Variants in LINGO2 observed in about 807,000 individuals in gnomAD.
The protein encoded by LINGO2 is leucine-rich repeat and immunoglobulin-like domain-containing nogo receptor-interacting protein 2.
Under a neutral mutation model 30.6 loss-of-function variants are expected in LINGO2, and 14 were observed. The observed-to-expected ratio is 0.46, with a 90% confidence interval of 0.30 to 0.72. The LOEUF is 0.72. LINGO2 is among the 30% of genes least tolerant of loss of function. LINGO2 has a pLI of 0.07. For missense variants in LINGO2, 729 were observed against 751.7 expected (o/e 0.97, Z 0.35); for synonymous variants, 317 against 288.5 (o/e 1.10, Z -1.00).
chr9:28,619,102 T>A (rs7869779), intron 1 of LINGO2, among the ~76,000 whole-genome samples: 56,683 of 151,878 alleles, frequency 0.37, 11,613 homozygotes, highest in African/African-American at 0.53. Context: ...AGTGTAAGAT[T>A]CTAAGGACTT....
chr9:28,638,771 C>T (rs924282767), intron 1 of LINGO2, among the ~76,000 whole-genome samples: 5 of 152,096 alleles, frequency 3.3e-5, no homozygotes, highest in African/African-American at 1.2e-4. Context: ...AAAAAACCAG[C>T]TCCTGGATTC....
intron 1 of LINGO2, among the ~76,000 whole-genome samples, chr9:28,484,297 G>C (rs745522565): frequency 2.4e-4 from 37 of 152,154 alleles, no homozygotes; most frequent in Non-Finnish European, 4.1e-4. Context: ...TTAGCACCAA[G>C]AATGGAGCTT....
chr9:28,229,959 G>C (rs1464634026), intron 4 of LINGO2, among the ~76,000 whole-genome samples: 1 of 151,546 alleles, frequency 6.6e-6, no homozygotes, highest in Non-Finnish European at 1.5e-5. Flanking sequence ...TGACCTAAAG[G>C]CAATAAAAGA....
At chr9:28,087,520 T>C (rs1042816793) in intron 4 of LINGO2, among the ~76,000 whole-genome samples, 5 of 152,194 alleles carry the variant, frequency 3.3e-5, no homozygotes, top group African/African-American at 1.2e-4. Context: ...ATTGAAAGTT[T>C]ACCTGTGACT....
chr9:28,587,850 C>T (rs1293020243), intron 1 of LINGO2, among the ~76,000 whole-genome samples: 1 of 151,916 alleles, frequency 6.6e-6, no homozygotes, highest in East Asian at 1.9e-4. Context: ...GATTCTAGCT[C>T]TGAAGGGCAT....
At chr9:28,621,905 C>T (rs1398733269) in intron 1 of LINGO2, among the ~76,000 whole-genome samples, 1 of 152,020 alleles carries the variant, frequency 6.6e-6, no homozygotes, top group African/African-American at 2.4e-5. Flanking sequence ...GATCACCTGA[C>T]ACTGAGACAC....
the LINGO2 span, among the ~76,000 whole-genome samples, chr9:29,187,521 G>A: frequency 6.6e-6 from 1 of 152,126 alleles, no homozygotes; most frequent in South Asian, 2.1e-4. Flanking sequence ...ATATCTAACA[G>A]TTCCAAATTA....
At chr9:28,741,212 G>C in the LINGO2 span, among the ~76,000 whole-genome samples, 4 of 151,934 alleles carry the variant, frequency 2.6e-5, no homozygotes, top group African/African-American at 9.7e-5. Context: ...CAGCCACAGG[G>C]ACTGGCCTAG....
At chr9:27,961,184 G>A (rs940790864) in intron 5 of LINGO2, among the ~76,000 whole-genome samples, 5 of 152,134 alleles carry the variant, frequency 3.3e-5, no homozygotes, top group Non-Finnish European at 7.4e-5. Context: ...TGTAAGTGTT[G>A]TGAGCACATA....
intron 1 of LINGO2, among the ~76,000 whole-genome samples, chr9:28,656,512 C>T (rs1828346574): frequency 1.3e-5 from 2 of 151,924 alleles, no homozygotes; most frequent in African/African-American, 4.8e-5. Flanking sequence ...ATAACTGAAT[C>T]TAATCATAAG....
chr9:29,114,879 T>C, the LINGO2 span, among the ~76,000 whole-genome samples: 1 of 152,156 alleles, frequency 6.6e-6, no homozygotes, highest in Non-Finnish European at 1.5e-5. Context: ...ACTCAGTTCT[T>C]TACGGATGAA....
exon 6 of LINGO2, chr9:27,949,268 C>G (rs564870453): frequency 1.9e-6 from 3 of 1,613,916 alleles, no homozygotes; most frequent in Non-Finnish European, 2.5e-6. Context: ...AGCGGATTTC[C>G]AAGGTGCCAT....
At chr9:27,967,749 C>A (rs1259473174) in intron 5 of LINGO2, among the ~76,000 whole-genome samples, 4 of 152,058 alleles carry the variant, frequency 2.6e-5, no homozygotes, top group African/African-American at 9.7e-5. Flanking sequence ...ACACATCTTG[C>A]CATAGTAAGG....
intron 1 of LINGO2, among the ~76,000 whole-genome samples, chr9:28,661,912 A>G (rs1828599980): frequency 6.6e-6 from 1 of 152,146 alleles, no homozygotes; most frequent in African/African-American, 2.4e-5. Flanking sequence ...GGTATTTTTA[A>G]CAAAGTCATC....
intron 4 of LINGO2, among the ~76,000 whole-genome samples, chr9:28,065,008 T>C (rs370518450): frequency 1.3e-5 from 2 of 151,338 alleles, no homozygotes; most frequent in South Asian, 4.2e-4. Flanking sequence ...ATCCATATTA[T>C]AGGACGCACA....
chr9:28,849,485 G>A, the LINGO2 span, among the ~76,000 whole-genome samples: 2 of 151,952 alleles, frequency 1.3e-5, no homozygotes, highest in African/African-American at 4.8e-5. Flanking sequence ...GTTTACCAAA[G>A]ACTAAAAACT....
At chr9:28,470,928 A>C (rs533275797) in intron 2 of LINGO2, among the ~76,000 whole-genome samples, 184 of 148,168 alleles carry the variant, frequency 1.2e-3, no homozygotes, top group Admixed American at 6.7e-3. Flanking sequence ...AATATAAGTA[A>C]TATATAACAT....
At chr9:28,382,788 T>G (rs1370322813) in intron 2 of LINGO2, among the ~76,000 whole-genome samples, 1 of 152,120 alleles carries the variant, frequency 6.6e-6, no homozygotes, top group Non-Finnish European at 1.5e-5. Flanking sequence ...TGATTCATTT[T>G]CTTAATCTGT....
chr9:29,187,780 ATTTT>A, the LINGO2 span, among the ~76,000 whole-genome samples: 4 of 118,848 alleles, frequency 3.4e-5, no homozygotes, highest in Admixed American at 9.5e-5. Context: ...ATACATTTCA[ATTTT>A]TTTTTTTTTT....
Sources: gnomAD v4.1 joint callset for allele counts (sites outside exome capture counted in the v4.1 genomes callset) on GRCh38, gnomAD v4.1.1 for gene constraint, MANE v1.5 for transcripts, NCBI Gene and HGNC (gene_info 2026-07-23, HGNC 2026-07-21) for gene names.